RASGEF1C: variants seen among roughly 807,000 people sequenced by gnomAD.
RASGEF1C encodes the protein RasGEF domain family member 1C.
RASGEF1C carries 27 observed loss-of-function variants against 58.1 expected under a neutral mutation model. The ratio of observed to expected loss-of-function variants is 0.46; its 90% CI spans 0.34 to 0.64. The LOEUF is 0.64. RASGEF1C is among the 30% of genes least tolerant of loss of function. The pLI, the probability that RASGEF1C is intolerant of heterozygous loss-of-function variation, is 0.01. For synonymous variants in RASGEF1C, 243 were observed against 246.3 expected (o/e 0.99, Z 0.13); for missense variants, 502 against 605.1 (o/e 0.83, Z 1.79).
intron 1 of RASGEF1C, among the ~76,000 whole-genome samples, chr5:180,194,041 A>G (rs1021608402): frequency 3.0e-4 from 43 of 142,346 alleles, no homozygotes; most frequent in Non-Finnish European, 5.9e-4. Flanking sequence ...GAAAAGGTTG[A>G]AAAAAAAAAA....
intron 7 of RASGEF1C, among the ~76,000 whole-genome samples, chr5:180,120,729 G>A (rs988454866): frequency 8.5e-5 from 13 of 152,180 alleles, no homozygotes; most frequent in African/African-American, 2.4e-4. Context: ...AACGAGGCCC[G>A]TTGCAGGCCA....
At chr5:180,117,121 C>G (rs1766079402) in intron 10 of RASGEF1C, among the ~76,000 whole-genome samples, 1 of 152,226 alleles carries the variant, frequency 6.6e-6, no homozygotes, top group African/African-American at 2.4e-5. Context: ...TCCTGGCAGG[C>G]CGCCACCTGC....
intron 1 of RASGEF1C, among the ~76,000 whole-genome samples, chr5:180,140,846 G>A (rs1766566513): frequency 6.6e-6 from 1 of 152,246 alleles, no homozygotes; most frequent in African/African-American, 2.4e-5. Flanking sequence ...AGCATGTGCA[G>A]AGGCTCGGCG....
intron 12 of RASGEF1C, among the ~76,000 whole-genome samples, chr5:180,106,264 TTTA>T (rs1479597305): frequency 3.9e-5 from 6 of 152,238 alleles, no homozygotes; most frequent in African/African-American, 2.4e-5. Context: ...TTTGATTAAC[TTTA>T]TTGTTTTTCT....
At chr5:180,172,256 T>C (rs1410276107) in intron 1 of RASGEF1C, among the ~76,000 whole-genome samples, 1 of 152,122 alleles carries the variant, frequency 6.6e-6, no homozygotes, top group Non-Finnish European at 1.5e-5. Context: ...GGCCCCAGCA[T>C]GCCCAGATGG....
rs374209710 is a variant in RASGEF1C, at chr5:180,174,574, CTG to C, written c.-7+34452_-7+34453del. On this transcript the variant is annotated intron_variant, in intron 1 of 13. Transcript: ENST00000361132. ...CGTGTGTCTGTGTGTGCACGTGTGT[CTG>C]TGTGTGCGCACGTGTGTGTGTGTGT... Among the ~76,000 whole-genome samples, 1,066 of 146,034 alleles carry C rather than the reference CTG, an allele frequency of 7.3e-3. 9 individuals carry two copies. Among genetic ancestry groups the C allele is most frequent in the African/African-American group, 0.026 (1,010 of 39,316 alleles).
At chr5:180,166,396 C>T (rs1351604964) in intron 1 of RASGEF1C, among the ~76,000 whole-genome samples, 2 of 152,180 alleles carry the variant, frequency 1.3e-5, no homozygotes, top group African/African-American at 4.8e-5. Flanking sequence ...TATCACTTCC[C>T]TTTGGCCAGA....
intron 12 of RASGEF1C, among the ~76,000 whole-genome samples, chr5:180,105,132 T>A (rs1157904209): frequency 1.3e-5 from 2 of 152,204 alleles, no homozygotes; most frequent in East Asian, 3.8e-4. Context: ...TCTTCAGAAT[T>A]TCATGGATAA....
intron 1 of RASGEF1C, among the ~76,000 whole-genome samples, chr5:180,159,300 C>T (rs751471367): frequency 8.6e-5 from 13 of 152,012 alleles, no homozygotes; most frequent in South Asian, 2.1e-4. Context: ...CCACCACGCC[C>T]GGCTAATTTT....
intron 1 of RASGEF1C, among the ~76,000 whole-genome samples, chr5:180,153,536 G>A (rs1422749796): frequency 6.6e-6 from 1 of 152,190 alleles, no homozygotes; most frequent in African/African-American, 2.4e-5. Context: ...TACATGGAGA[G>A]ATGGAATCCT....
At chr5:180,195,576 T>C (rs889386943) in intron 1 of RASGEF1C, among the ~76,000 whole-genome samples, 12 of 151,592 alleles carry the variant, frequency 7.9e-5, no homozygotes, top group South Asian at 6.3e-4. Context: ...CTGGCGAACA[T>C]GGTGAAACCC....
rs1561749034 is a variant in RASGEF1C at position 180,168,300 on chromosome 5, G to T, written c.-6-30242C>A. ...AATACAAAATTAGCCGAGCCTGGTG[G>T]TGCATGCCTGTAATCGCAGCTACTC... On this transcript the variant is annotated intron_variant, in intron 1 of 13. Coordinates refer to ENST00000361132, the MANE Select transcript of RASGEF1C (RefSeq NM_175062.4). This position sits in a 1 kb window ranked among gnomAD's most constrained non-coding sequence, Gnocchi z 6.0. Among the ~76,000 whole-genome samples the T allele has an allele frequency of 1.3e-5, 2 of 152,230 alleles. No homozygotes were observed. The highest frequency in any genetic ancestry group is 2.1e-4 in the South Asian group (1 of 4,814).
intron 7 of RASGEF1C, among the ~76,000 whole-genome samples, chr5:180,120,659 C>T (rs998234803): frequency 2.4e-4 from 37 of 151,224 alleles, no homozygotes; most frequent in African/African-American, 8.9e-4. Context: ...CGGGCTTTTA[C>T]GTGCATCTCC....
Position 180,138,045 on chromosome 5 carries a change from T to A in RASGEF1C, c.8A>T (p.Gln3Leu). The change falls in exon 2 of 14, where the codon CAG becomes CTG. Residue 3 changes from glutamine to leucine, a missense_variant. Gln to Leu is a moderately radical substitution (Grantham distance 113). Coordinates refer to ENST00000361132, the MANE Select transcript of RASGEF1C (RefSeq NM_175062.4). MP[Q>L]TLSASDMVTP... is the part of the protein sequence containing the mutation. ...GACCATGTCGGAGGCACTCAGCGTC[T>A]GTGGCATGTCTGCCTGCAATGGCAA... is the stretch of plus-strand genomic sequence containing the variant. 1 of 1,504,582 alleles carries A rather than the reference T, an allele frequency of 6.6e-7. No homozygotes were observed. The highest frequency in any genetic ancestry group is 1.3e-5 in the South Asian group (1 of 74,586). The allele number at this position is 1,504,582 out of a possible 1,614,324, so 93.2% of individuals were successfully genotyped here. A position where few individuals can be genotyped will look rare whatever the true frequency, so the allele number is the denominator to read the frequency against.
At chr5:180,145,942 T>G (rs1217587126) in intron 1 of RASGEF1C, among the ~76,000 whole-genome samples, 2 of 152,256 alleles carry the variant, frequency 1.3e-5, no homozygotes, top group Admixed American at 1.3e-4. Context: ...ATAGTCTGGA[T>G]ATCAATCCCT....
At chr5:180,133,902 A>G (rs1215089026) in intron 4 of RASGEF1C, among the ~76,000 whole-genome samples, 1 of 152,226 alleles carries the variant, frequency 6.6e-6, no homozygotes, top group Non-Finnish European at 1.5e-5. Context: ...TGCTGAAGCA[A>G]GCACACACCT....
chr5:180,184,287 G>A (rs9329099), intron 1 of RASGEF1C, among the ~76,000 whole-genome samples: 74,787 of 152,040 alleles, frequency 0.49, 19,448 homozygotes, highest in African/African-American at 0.67. Flanking sequence ...AAAAGGCAGA[G>A]ATTTGGGCTG....
rs1766514407 is a variant in RASGEF1C, at chr5:180,137,946, C to G, written c.107G>C (p.Gly36Ala). Residue 36 changes from glycine to alanine, a missense_variant, in exon 2 of 14, where the codon GGA becomes GCA. Coordinates refer to ENST00000361132, the MANE Select transcript of RASGEF1C (RefSeq NM_175062.4). This position sits in a 1 kb window ranked among gnomAD's most constrained non-coding sequence, Gnocchi z 4.1. ...TTCCAGGGAGGCTGAGGATGGCGCT[C>G]CATCCAGGAGGGGCTGCCCAGCCTG... The part of the protein sequence containing the change: ...GEQAGQPLLD[G>A]APSSASLETL... 3 of 1,612,920 alleles carry G rather than the reference C, an allele frequency of 1.9e-6. No homozygotes were observed. Among genetic ancestry groups the G allele is most frequent in the Non-Finnish European group, 2.5e-6 (3 of 1,179,716 alleles).
At chr5:180,119,300 G>A (rs377029667) in intron 8 of RASGEF1C, 46 bp downstream of exon 8, 310 of 1,508,604 alleles carry the variant, frequency 2.1e-4, no homozygotes, top group South Asian at 8.0e-4. Flanking sequence ...CCGGCCTCTC[G>A]GGGGACCCGT....
Sources: allele counts gnomAD v4.1 joint callset (sites outside exome capture counted in the v4.1 genomes callset), GRCh38; gene constraint gnomAD v4.1.1; non-coding constraint Gnocchi (gnomAD v3.1); transcripts MANE v1.5; gene names NCBI Gene and HGNC (gene_info 2026-07-23, HGNC 2026-07-21).